SGK3: variants seen among roughly 807,000 people sequenced by gnomAD.
SGK3 encodes serine/threonine-protein kinase Sgk3.
SGK3 carries 47 observed loss-of-function variants against 68.5 expected under a neutral mutation model. The observed-to-expected ratio is 0.69, with a 90% CI of 0.54 to 0.87. The LOEUF is 0.87. Ranked by LOEUF, SGK3 falls within the 40% of genes least tolerant of loss-of-function variation. The probability of loss-of-function intolerance (pLI) is 0.00; values close to 1 mark genes in which losing one functional copy is unlikely to be tolerated. For missense variants in SGK3, 479 were observed against 575.5 expected, an observed-to-expected ratio of 0.83 and a Z score of 1.72; for synonymous variants, 181 against 189.1, an observed-to-expected ratio of 0.96 and a Z score of 0.35.
intron 3 of SGK3, among the ~76,000 whole-genome samples, chr8:66,803,704 T>A (rs1340062971): frequency 6.6e-6 from 1 of 151,962 alleles, no homozygotes; most frequent in Non-Finnish European, 1.5e-5. Context: ...TTGCCCAGGC[T>A]GGAGTGCAGT....
intron 1 of SGK3, among the ~76,000 whole-genome samples, chr8:66,733,599 G>A (rs1805230649): frequency 6.6e-6 from 1 of 152,136 alleles, no homozygotes; most frequent in South Asian, 2.1e-4. Flanking sequence ...AGGGAATCTG[G>A]AAGGCTTGGG....
chr8:66,755,175 T>TCATCA (rs1256585895), intron 1 of SGK3, among the ~76,000 whole-genome samples: 3 of 150,466 alleles, frequency 2.0e-5, no homozygotes, highest in Admixed American at 6.6e-5. Context: ...AGGAGAATCA[T>TCATCA]CTGAACCCAG....
intron 16 of SGK3, 73 bp from the exon 17 acceptor site, chr8:66,859,338 A>G: frequency 7.0e-7 from 1 of 1,421,754 alleles, no homozygotes. Context: ...TGTCTCAAAT[A>G]AATAAATAAA....
chr8:66,744,506 TATATATATATA>T (rs1276118762), intron 1 of SGK3, among the ~76,000 whole-genome samples: 1,326 of 32,348 alleles, frequency 0.041, 69 homozygotes, highest in Admixed American at 0.11. Context: ...TATATATATA[TATATATATATA>T]TATTTTTTTT....
intron 15 of SGK3, among the ~76,000 whole-genome samples, chr8:66,849,722 ATAGCTGG>A (rs1377913580): frequency 1.3e-5 from 2 of 151,762 alleles, no homozygotes; most frequent in Admixed American, 1.3e-4. Context: ...CAGCCCCCAA[ATAGCTGG>A]ATTACAGGCA....
At chr8:66,778,462 A>T (rs1365047508) in intron 1 of SGK3, among the ~76,000 whole-genome samples, 2 of 152,050 alleles carry the variant, frequency 1.3e-5, no homozygotes, top group African/African-American at 4.8e-5. Flanking sequence ...ACGCTCGGCT[A>T]ATTTTTTGTA....
intron 8 of SGK3, among the ~76,000 whole-genome samples, chr8:66,834,671 C>T (rs750458097): frequency 3.5e-4 from 53 of 152,020 alleles, no homozygotes; most frequent in African/African-American, 7.2e-4. Context: ...ACAAAGTGCA[C>T]GCCTGTAATC....
intron 4 of SGK3, among the ~76,000 whole-genome samples, chr8:66,808,043 G>T (rs550452716): frequency 3.2e-4 from 48 of 152,232 alleles, no homozygotes; most frequent in Admixed American, 9.2e-4. Context: ...GTAGGAAAAG[G>T]TATGGGGATT....
rs577551195 is a variant in SGK3 at position 66,772,446 on chromosome 8, G to A, written c.-121-21170G>A. On this transcript the variant is annotated intron_variant, in intron 1 of 16. Transcript: ENST00000521198. ...GTCTCTCTCTGTCACCCAGGCTGGA[G>A]TGCAGTGGCATAATCTTGGCTCATT... Among the ~76,000 whole-genome samples, 274 of 151,322 alleles carry A rather than the reference G, an allele frequency of 1.8e-3. 1 individual carries two copies. Among genetic ancestry groups the A allele is most frequent in the Non-Finnish European group, 2.8e-3 (190 of 67,820 alleles).
At chr8:66,752,699 A>G (rs1805854187) in intron 1 of SGK3, among the ~76,000 whole-genome samples, 1 of 152,008 alleles carries the variant, frequency 6.6e-6, no homozygotes, top group Non-Finnish European at 1.5e-5. Context: ...GAAGTAGCTA[A>G]AGGGGGCCAG....
intron 2 of SGK3, among the ~76,000 whole-genome samples, chr8:66,795,571 T>C (rs1463816435): frequency 6.6e-6 from 1 of 152,156 alleles, no homozygotes; most frequent in Non-Finnish European, 1.5e-5. Flanking sequence ...AGTTCACACA[T>C]AGCAAATGTC....
chr8:66,728,605 G>A (rs1403618015), intron 1 of SGK3, among the ~76,000 whole-genome samples: 1 of 152,122 alleles, frequency 6.6e-6, no homozygotes, highest in Non-Finnish European at 1.5e-5. Flanking sequence ...GGGATTACAG[G>A]TGTGAGCCAC....
intron 1 of SGK3, among the ~76,000 whole-genome samples, chr8:66,729,733 A>ATTTT (rs1181337410): frequency 7.7e-6 from 1 of 130,706 alleles, no homozygotes; most frequent in African/African-American, 3.8e-5. Flanking sequence ...TTATTTATTT[A>ATTTT]TTTTTATTTA....
At chr8:66,791,348 G>A (rs1807445301) in intron 1 of SGK3, among the ~76,000 whole-genome samples, 1 of 152,198 alleles carries the variant, frequency 6.6e-6, no homozygotes, top group African/African-American at 2.4e-5. Context: ...GTGGCTGGGT[G>A]GAGAAAGAGT....
intron 1 of SGK3, among the ~76,000 whole-genome samples, chr8:66,724,897 G>A (rs1048453637): frequency 1.3e-5 from 2 of 152,166 alleles, no homozygotes; most frequent in Non-Finnish European, 2.9e-5. Context: ...TTCGAGTCCA[G>A]CCTGGCCAAT....
intron 10 of SGK3, among the ~76,000 whole-genome samples, chr8:66,836,771 C>CTTTTTTT (rs35857638): frequency 2.5e-5 from 3 of 118,094 alleles, no homozygotes; most frequent in African/African-American, 3.1e-5. Flanking sequence ...GTCAGGATAT[C>CTTTTTTT]TTTTTTTTTT....
intron 1 of SGK3, among the ~76,000 whole-genome samples, chr8:66,737,881 GC>G (rs1301744928): frequency 1.3e-5 from 2 of 151,996 alleles, no homozygotes; most frequent in Non-Finnish European, 2.9e-5. Context: ...CTCCCAAAGT[GC>G]TGGAATTATA....
chr8:66,766,912 C>T (rs552674391), intron 1 of SGK3, among the ~76,000 whole-genome samples: 234 of 152,240 alleles, frequency 1.5e-3, no homozygotes, highest in Middle Eastern at 6.8e-3. Flanking sequence ...AGTGCAGTGG[C>T]GCGATCTCCG....
intron 12 of SGK3, chr8:66,840,574 A>G (rs2130723822): frequency 7.8e-6 from 2 of 255,584 alleles, no homozygotes; most frequent in South Asian, 1.1e-4. Flanking sequence ...TCTGGTTAAT[A>G]GTATTGTACC....
Sources: allele counts gnomAD v4.1 joint callset (sites outside exome capture counted in the v4.1 genomes callset), GRCh38; gene constraint gnomAD v4.1.1; transcripts MANE v1.5; gene names NCBI Gene and HGNC (gene_info 2026-07-23, HGNC 2026-07-21).